Variants in NRXN3 observed in about 807,000 individuals in gnomAD.
NRXN3 encodes neurexin 3, also known as neurexin III.
A neutral mutation model predicts 137.6 loss-of-function variants in NRXN3; 32 were observed. That is an observed-to-expected ratio of 0.23 (90% confidence interval 0.18 to 0.31). The LOEUF (loss-of-function observed/expected upper bound fraction) is 0.31, where lower values mean the gene tolerates loss of function less well. Ranked by LOEUF, NRXN3 falls within the 10% of genes least tolerant of loss-of-function variation. The pLI is 1.00. For missense variants in NRXN3, 1,574 were observed against 2,062.5 expected (o/e 0.76, Z 4.59); for synonymous variants, 798 against 784.5 (o/e 1.02, Z -0.29).
At chr14:78,456,113 C>T (rs894327641) in intron 4 of NRXN3, among the ~76,000 whole-genome samples, 20 of 152,216 alleles carry the variant, frequency 1.3e-4, no homozygotes, top group Non-Finnish European at 1.3e-4. Context: ...GTGTCTGGCA[C>T]GATCTGTCTT....
chr14:79,014,395 A>G (rs914256311), intron 15 of NRXN3, among the ~76,000 whole-genome samples: 2 of 152,206 alleles, frequency 1.3e-5, no homozygotes, highest in East Asian at 1.9e-4. Flanking sequence ...CACTTAGCAT[A>G]ATAGCCTCTA....
At chr14:79,805,073 T>C (rs2099198889) in intron 19 of NRXN3, 39 bp from the exon 20 acceptor site, 1 of 1,426,612 alleles carries the variant, frequency 7.0e-7, no homozygotes, top group Non-Finnish European at 9.9e-7. Flanking sequence ...CTCTTCTCTC[T>C]CTTCCCCTAC....
At chr14:79,743,586 A>G (rs1333750071) in intron 19 of NRXN3, among the ~76,000 whole-genome samples, 2 of 152,210 alleles carry the variant, frequency 1.3e-5, no homozygotes, top group Non-Finnish European at 2.9e-5. Flanking sequence ...ACATTCCCCA[A>G]GTGATTCTAA....
chr14:78,789,866 G>A (rs924172699), intron 8 of NRXN3, among the ~76,000 whole-genome samples: 28 of 152,024 alleles, frequency 1.8e-4, no homozygotes, highest in African/African-American at 6.8e-4. Flanking sequence ...TTGTATAGAT[G>A]CCTAAGCTGA....
Position 78,243,841 on chromosome 14 carries a change from G to C in NRXN3, c.709+39G>C, listed in dbSNP as rs532317959. The C allele has an allele frequency of 2.7e-6, 4 of 1,475,224 alleles. No homozygotes were observed. In the African/African-American group the frequency reaches 4.2e-5, roughly 15 times the overall value. 91.4% of individuals were successfully genotyped at this position (1,475,224 alleles called of 1,614,324 possible). On this transcript the variant is annotated intron_variant, in intron 2 of 20. Coordinates refer to ENST00000335750, the MANE Select transcript of NRXN3 (RefSeq NM_001330195.2). This position sits in a 1 kb window ranked among gnomAD's most constrained non-coding sequence, Gnocchi z 4.2. ...CCTCTCTTGCTAGAGACCCACCCACGGGATGGCTGAGGCTGGGGCTCCTGA... is the reference window on the plus strand; with the variant it reads ...CCTCTCTTGCTAGAGACCCACCCACCGGATGGCTGAGGCTGGGGCTCCTGA...
intron 4 of NRXN3, among the ~76,000 whole-genome samples, chr14:78,541,381 T>C (rs1273602677): frequency 6.6e-6 from 1 of 152,244 alleles, no homozygotes; most frequent in African/African-American, 2.4e-5. Context: ...CAATCACTGA[T>C]ACCCTTTCTT....
chr14:78,337,231 G>A (rs917431449), intron 4 of NRXN3, among the ~76,000 whole-genome samples: 3 of 152,060 alleles, frequency 2.0e-5, no homozygotes, highest in South Asian at 2.1e-4. Context: ...AATGGAAGAG[G>A]GAGGTGCAGT....
intron 4 of NRXN3, among the ~76,000 whole-genome samples, chr14:78,536,655 C>T (rs183179120): frequency 3.3e-5 from 5 of 151,790 alleles, no homozygotes; most frequent in East Asian, 1.9e-4. Context: ...ATGTGCACAA[C>T]GTGCAGATTT....
intron 19 of NRXN3, among the ~76,000 whole-genome samples, chr14:79,773,822 T>C (rs940133098): frequency 7.5e-6 from 1 of 132,508 alleles, no homozygotes; most frequent in African/African-American, 2.8e-5. Flanking sequence ...AAAATAAAAA[T>C]AAAAATACAA....
intron 4 of NRXN3, among the ~76,000 whole-genome samples, chr14:78,528,607 A>G (rs1401212411): frequency 1.3e-5 from 2 of 152,096 alleles, no homozygotes; most frequent in Non-Finnish European, 2.9e-5. Flanking sequence ...TGAGATTTTG[A>G]TAGATTCAGG....
chr14:79,087,919 C>CATCCAAATA, intron 15 of NRXN3, among the ~76,000 whole-genome samples: 2 of 152,130 alleles, frequency 1.3e-5, no homozygotes, highest in Non-Finnish European at 2.9e-5. Flanking sequence ...GAATTAATCG[C>CATCCAAATA]CTGCTTGTTT....
At chr14:78,480,798 A>G (rs1263235078) in intron 4 of NRXN3, among the ~76,000 whole-genome samples, 2 of 152,204 alleles carry the variant, frequency 1.3e-5, no homozygotes, top group African/African-American at 4.8e-5. Context: ...GAGCAGACAC[A>G]TGATTAAAAT....
chr14:79,147,771 G>A (rs1170909873), intron 15 of NRXN3, among the ~76,000 whole-genome samples: 2 of 152,094 alleles, frequency 1.3e-5, no homozygotes, highest in African/African-American at 2.4e-5. Context: ...GCAAGGCATC[G>A]TTGCTTTCCA....
chr14:79,453,657 A>G (rs1205270273), intron 15 of NRXN3, among the ~76,000 whole-genome samples: 3 of 152,184 alleles, frequency 2.0e-5, no homozygotes, highest in Admixed American at 6.5e-5. Context: ...TGGAGTTCTA[A>G]CCAAACCCTT....
Position 78,577,011 on chromosome 14 carries a change from C to G in NRXN3, c.758-68109C>G, listed in dbSNP as rs981241327. Among the ~76,000 whole-genome samples the G allele has an allele frequency of 2.0e-5, 3 of 152,192 alleles. No individual in the cohort carries two copies. In the South Asian group the frequency reaches 6.2e-4, roughly 32 times the overall value. ...TTGTATCTCCACCTGTCTTTTAAGG[C>G]TGCACAGTTTTTCTTTGTGGTAATT... On this transcript the variant is annotated intron_variant, in intron 4 of 20. Coordinates refer to ENST00000335750, the MANE Select transcript of NRXN3 (RefSeq NM_001330195.2).
chr14:78,750,355 C>T (rs2098635147), intron 8 of NRXN3, among the ~76,000 whole-genome samples: 1 of 152,126 alleles, frequency 6.6e-6, no homozygotes, highest in Admixed American at 6.5e-5. Context: ...TCATAGGAAC[C>T]TCAAGTTTGG....
intron 15 of NRXN3, among the ~76,000 whole-genome samples, chr14:79,393,758 T>C (rs1043441460): frequency 1.3e-5 from 2 of 152,150 alleles, no homozygotes; most frequent in Non-Finnish European, 2.9e-5. Flanking sequence ...GAGCTTGCAG[T>C]GAGCCCAGAT....
chr14:79,126,771 A>T (rs1056129639), intron 15 of NRXN3, among the ~76,000 whole-genome samples: 3 of 152,130 alleles, frequency 2.0e-5, no homozygotes, highest in Admixed American at 2.0e-4. Flanking sequence ...CAATGGTTGA[A>T]CTAGTTTACA....
At position 79,310,871 on chromosome 14, in the gene NRXN3, G is replaced by A. The variant is rs1192668929; in HGVS notation, c.3263-156350G>A. Among the ~76,000 whole-genome samples the A allele has an allele frequency of 1.1e-3, 97 of 90,472 alleles. 1 individual carries two copies. In the East Asian group the frequency reaches 0.026, roughly 25 times the overall value. The allele number at this position is 90,472 out of a possible 152,430, so 59.4% of individuals were successfully genotyped here. A position where few individuals can be genotyped will look rare whatever the true frequency, so the allele number is the denominator to read the frequency against. On this transcript the variant is annotated intron_variant, in intron 15 of 20. Transcript: ENST00000335750. ...GGTTTTCTAGATAAACAATCATGTC[G>A]TCTGCAAACAGGGACAATTTGACTT...
Sources: gnomAD v4.1 joint callset for allele counts (sites outside exome capture counted in the v4.1 genomes callset) on GRCh38, gnomAD v4.1.1 for gene constraint, Gnocchi (gnomAD v3.1) non-coding constraint, MANE v1.5 for transcripts, NCBI Gene and HGNC (gene_info 2026-07-23, HGNC 2026-07-21) for gene names.